The following MAPK10 variants were observed in gnomAD, a reference collection of about 807,000 sequenced individuals.
MAPK10 encodes the protein JNK3 alpha protein kinase.
In MAPK10, 25 loss-of-function variants were observed where a neutral mutation model predicts 59.3. The observed-to-expected ratio is 0.42, with a 90% CI of 0.31 to 0.59. MAPK10 has a LOEUF of 0.59. Among genes scored for constraint, MAPK10 ranks in the 20% least tolerant of loss-of-function variants. The pLI is 0.15. For synonymous variants in MAPK10, 190 were observed against 200.5 expected, an observed-to-expected ratio of 0.95 and a Z score of 0.44; for missense variants, 351 against 568.9, an observed-to-expected ratio of 0.62 and a Z score of 3.90.
intron 1 of MAPK10, among the ~76,000 whole-genome samples, chr4:86,484,505 C>T (rs2149072260): frequency 6.6e-6 from 1 of 152,238 alleles, no homozygotes; most frequent in South Asian, 2.1e-4. Flanking sequence ...ACTTTACTTG[C>T]TTTGTGACTC....
At position 86,452,257 on chromosome 4, in the gene MAPK10, C is replaced by T. The variant is rs1317099972; in HGVS notation, c.-122+773G>A. On this transcript the variant is annotated intron_variant, in intron 1 of 13. Coordinates refer to the MAPK10 transcript ENST00000361569. ...GAGCCAGGAATGATTTAAGATGCAG[C>T]CCAAATATACTAACGTGACCCTTGG... Among the ~76,000 whole-genome samples the T allele has an allele frequency of 2.0e-5, 3 of 152,136 alleles. No homozygotes were observed. In the East Asian group the frequency reaches 5.8e-4, roughly 29 times the overall value.
chr4:86,305,359 T>TC (rs1381440574), intron 2 of MAPK10, among the ~76,000 whole-genome samples: 1 of 152,222 alleles, frequency 6.6e-6, no homozygotes, highest in African/African-American at 2.4e-5. Flanking sequence ...TTAAGGTTAT[T>TC]CCTCTGAGAA....
chr4:86,303,394 A>G (rs1308217749), intron 2 of MAPK10, among the ~76,000 whole-genome samples: 1 of 152,184 alleles, frequency 6.6e-6, no homozygotes, highest in Non-Finnish European at 1.5e-5. Context: ...TTTATAAGTC[A>G]TGTGCTATAT....
intron 1 of MAPK10, among the ~76,000 whole-genome samples, chr4:86,388,458 C>A (rs1490888193): frequency 6.6e-6 from 1 of 152,070 alleles, no homozygotes; most frequent in Non-Finnish European, 1.5e-5. Context: ...CCAGCAGATA[C>A]CTCAGTGTCA....
chr4:86,287,683 C>T (rs1449087936), intron 2 of MAPK10, among the ~76,000 whole-genome samples: 1 of 152,178 alleles, frequency 6.6e-6, no homozygotes, highest in Non-Finnish European at 1.5e-5. Flanking sequence ...CACACTACTA[C>T]ATAAGTCTAT....
intron 1 of MAPK10, among the ~76,000 whole-genome samples, chr4:86,466,778 T>C (rs1752244752): frequency 6.6e-6 from 1 of 152,186 alleles, no homozygotes; most frequent in Non-Finnish European, 1.5e-5. Flanking sequence ...GTGTGGTTGA[T>C]TGTACCCCTG....
At chr4:86,091,554 T>A (rs2053171057) in intron 9 of MAPK10, 1 of 147,346 alleles carries the variant, frequency 6.8e-6, no homozygotes, top group Non-Finnish European at 1.5e-5. Context: ...TTTTTTTTTT[T>A]TTTTTTTTTT....
At chr4:86,082,448 G>C (rs1332979575) in intron 9 of MAPK10, 1 of 152,038 alleles carries the variant, frequency 6.6e-6, no homozygotes, top group Non-Finnish European at 1.5e-5. Context: ...GTTAAATGTT[G>C]ATTCATTTGT....
rs574497238 is a variant in MAPK10, at chr4:86,550,541, A to C, written c.-263+43369T>G. Among the ~76,000 whole-genome samples the C allele has an allele frequency of 4.6e-5, 7 of 152,200 alleles. No individual in the cohort carries two copies. The South Asian group carries it at 1.5e-3, about 32-fold the overall frequency. On this transcript the variant is annotated intron_variant, in intron 1 of 4. Transcript: ENST00000502302. ...TGTTGAAATGCCGTCTCTACTAAAA[A>C]TACAAAAATTAGCCAGGTGTGGTGG...
At chr4:86,585,139 A>C (rs1222888907) in intron 1 of MAPK10, among the ~76,000 whole-genome samples, 2 of 152,168 alleles carry the variant, frequency 1.3e-5, no homozygotes, top group African/African-American at 4.8e-5. Context: ...AGTAGAGTTT[A>C]TACTTCTTTA....
intron 4 of MAPK10, among the ~76,000 whole-genome samples, chr4:86,145,676 A>C (rs1314650785): frequency 1.3e-5 from 2 of 151,326 alleles, no homozygotes; most frequent in Admixed American, 1.3e-4. Flanking sequence ...CCTCTTCCTC[A>C]TTGTGTATCT....
chr4:86,414,793 G>A (rs1214645466), intron 1 of MAPK10, among the ~76,000 whole-genome samples: 1 of 151,778 alleles, frequency 6.6e-6, no homozygotes, highest in Non-Finnish European at 1.5e-5. Context: ...ATACAATTGG[G>A]TATTTTGGCA....
intron 9 of MAPK10, among the ~76,000 whole-genome samples, chr4:86,094,901 A>G (rs2149058680): frequency 6.6e-6 from 1 of 152,024 alleles, no homozygotes; most frequent in East Asian, 1.9e-4. Flanking sequence ...GAATGTTTAA[A>G]GAATGTTTAG....
At chr4:86,214,204 CAACA>C (rs1002223820) in intron 2 of MAPK10, among the ~76,000 whole-genome samples, 1 of 151,882 alleles carries the variant, frequency 6.6e-6, no homozygotes, top group Non-Finnish European at 1.5e-5. Context: ...AAAAAACACT[CAACA>C]AACTAAAAAT....
In MAPK10 at chr4:86,191,553, C is replaced by CTTTTTTTTTTTTTTTTTTTTTTT. The variant is rs35357476; in HGVS notation, c.66+2760_66+2782dup. 9.9e-5 allele frequency: 3 copies of CTTTTTTTTTTTTTTTTTTTTTTT among 30,414 alleles called. 1 individual carries two copies. The highest frequency in any genetic ancestry group is 2.3e-4 in the Non-Finnish European group (2 of 8,630). The allele number at this position is 30,414 out of a possible 1,614,324, so 1.9% of individuals were successfully genotyped here. On this transcript the variant is annotated intron_variant, in intron 3 of 13. Transcript: ENST00000641462. ...TCAGAGACTAGGATTACAACCCGTG[C>CTTTTTTTTTTTTTTTTTTTTTTT]TTTTTTTTTTTTTTTTTTTTTTTTT...
intron 2 of MAPK10, among the ~76,000 whole-genome samples, chr4:86,254,984 A>C (rs946400792): frequency 6.6e-6 from 1 of 152,184 alleles, no homozygotes; most frequent in Non-Finnish European, 1.5e-5. Flanking sequence ...ATGTAACATA[A>C]AAGTGACATC....
chr4:86,369,871 G>A (rs1035525897), intron 1 of MAPK10, among the ~76,000 whole-genome samples: 3 of 152,120 alleles, frequency 2.0e-5, no homozygotes, highest in Admixed American at 6.5e-5. Flanking sequence ...TGAGCAGATC[G>A]CATGGCCTCT....
At chr4:86,199,076 A>G (rs1447921413) in intron 2 of MAPK10, among the ~76,000 whole-genome samples, 1 of 152,092 alleles carries the variant, frequency 6.6e-6, no homozygotes, top group Non-Finnish European at 1.5e-5. Flanking sequence ...TTTGTACATT[A>G]CTAATAGGTG....
At chr4:86,243,509 T>A (rs1706010980) in intron 2 of MAPK10, among the ~76,000 whole-genome samples, 1 of 152,058 alleles carries the variant, frequency 6.6e-6, no homozygotes, top group Non-Finnish European at 1.5e-5. Flanking sequence ...GAACTTGTTC[T>A]CTCCTCTTCC....
Sources: gnomAD v4.1 joint callset for allele counts (sites outside exome capture counted in the v4.1 genomes callset) on GRCh38, gnomAD v4.1.1 for gene constraint, MANE v1.5 for transcripts, NCBI Gene and HGNC (gene_info 2026-07-23, HGNC 2026-07-21) for gene names.